PHC3: variants seen among roughly 807,000 people sequenced by gnomAD.
PHC3 encodes polyhomeotic-like protein 3.
Under a neutral mutation model 107.4 loss-of-function variants are expected in PHC3, and 13 were observed. The ratio of observed to expected loss-of-function variants is 0.12; its 90% CI spans 0.08 to 0.19. PHC3 has a LOEUF of 0.19. Among genes scored for constraint, PHC3 ranks in the 10% least tolerant of loss-of-function variants. The pLI, the probability that PHC3 is intolerant of heterozygous loss-of-function variation, is 1.00. For synonymous variants in PHC3, 456 were observed against 427.4 expected, an observed-to-expected ratio of 1.07 and a Z score of -0.83; for missense variants, 992 against 1,210.9, an observed-to-expected ratio of 0.82 and a Z score of 2.68.
intron 9 of PHC3, among the ~76,000 whole-genome samples, chr3:170,119,913 G>T (rs1461629393): frequency 6.6e-6 from 1 of 152,036 alleles, no homozygotes; most frequent in African/African-American, 2.4e-5. Flanking sequence ...ATTAGAGGAA[G>T]ATGCAAGTCT....
At chr3:170,148,842 C>T (rs541063960) in intron 5 of PHC3, 9 of 358,256 alleles carry the variant, frequency 2.5e-5, no homozygotes, top group Non-Finnish European at 3.6e-5. Flanking sequence ...ATCACTCTTA[C>T]GTTACTGAAT....
At chr3:170,128,194 AT>A (rs1179505055) in intron 8 of PHC3, 5 of 214,406 alleles carry the variant, frequency 2.3e-5, no homozygotes, top group African/African-American at 1.2e-4. Context: ...AAAAAACTAC[AT>A]CATATAAGCA....
chr3:170,102,843 T>C lies in PHC3; in HGVS notation c.2560A>G (p.Ser854Gly), dbSNP rs1356011086. The C allele has an allele frequency of 2.5e-6, 4 of 1,613,828 alleles. No individual in the cohort carries two copies. The highest frequency in any genetic ancestry group is 3.4e-6 in the Non-Finnish European group (4 of 1,179,862). Reference protein sequence around the residue: ...QSLGHRGRRPSGPDGAAREHI... With the variant: ...QSLGHRGRRPGGPDGAAREHI... The stretch of plus-strand genomic sequence containing the variant: ...TCTCTCGCTGCCCCATCAGGGCCAC[T>C]TGGACGACGGCCACGATGCCCAAGA... Residue 854 changes from serine to glycine, a missense_variant, in exon 13 of 15, where the codon AGT (serine) becomes GGT (glycine). Ser to Gly is a moderately conservative substitution (Grantham distance 56). Around this residue, in one of 6 missense-constraint regions of PHC3, gnomAD observed 228 missense variants for 288.8 expected, o/e 0.79. Coordinates refer to ENST00000495893, the MANE Select transcript of PHC3 (RefSeq NM_024947.4).
chr3:170,150,229 T>C (rs1725677828), intron 4 of PHC3, among the ~76,000 whole-genome samples: 1 of 152,112 alleles, frequency 6.6e-6, no homozygotes, highest in Non-Finnish European at 1.5e-5. Context: ...ACACAGATAA[T>C]GCATTCACAT....
chr3:170,120,877 C>G lies in PHC3; in HGVS notation c.1942+1714G>C, dbSNP rs183625983. ...TCTTAACTGAAAATGATCATGAGGGCAATAAGATATTCAACAGAACAGAAT... is the reference window on the plus strand; with the variant it reads ...TCTTAACTGAAAATGATCATGAGGGGAATAAGATATTCAACAGAACAGAAT... On this transcript the variant is annotated intron_variant, in intron 9 of 14. Transcript: ENST00000495893. 1.8e-3 allele frequency among the ~76,000 whole-genome samples: 268 copies of G among 152,072 alleles called. 1 individual carries two copies. The highest frequency in any genetic ancestry group is 3.3e-3 in the Non-Finnish European group (226 of 67,984).
chr3:170,173,019 C>G (rs539975721), intron 2 of PHC3, among the ~76,000 whole-genome samples: 1 of 151,810 alleles, frequency 6.6e-6, no homozygotes, highest in African/African-American at 2.4e-5. Flanking sequence ...GGTGAAACCC[C>G]GTCTCTACTA....
chr3:170,171,766 G>A (rs868484404), intron 3 of PHC3, among the ~76,000 whole-genome samples: 62 of 152,262 alleles, frequency 4.1e-4, no homozygotes, highest in African/African-American at 1.3e-3. Context: ...TAGAGCTACA[G>A]CAAGAGCCAG....
Position 170,171,389 on chromosome 3 carries a change from C to G in PHC3, c.398G>C (p.Ser133Thr), listed in dbSNP as rs1577264045. Residue 133 changes from serine to threonine, a missense_variant, in exon 4 of 15, where the codon AGT becomes ACT. Ser to Thr is a moderately conservative substitution (Grantham distance 58). This residue lies in a region of PHC3 where 161 missense variants were observed against 183.7 expected (regional missense o/e 0.88). Transcript: ENST00000495893. Reference protein sequence around the residue: ...SPTGSVTQQSSMSQTSINLST... With the variant: ...SPTGSVTQQSTMSQTSINLST... ...GGAACTTACAGACGTTTGGGACATA[C>G]TTGACTGCTGTGTGACACTTCCTGT... 1 of 1,606,016 alleles carries G rather than the reference C, an allele frequency of 6.2e-7. No homozygotes were observed. Among genetic ancestry groups the G allele is most frequent in the Non-Finnish European group, 8.5e-7 (1 of 1,176,934 alleles).
At chr3:170,174,200 T>A (rs1447940041) in intron 2 of PHC3, among the ~76,000 whole-genome samples, 1 of 151,148 alleles carries the variant, frequency 6.6e-6, no homozygotes, top group Non-Finnish European at 1.5e-5. Context: ...CTCAAAAAAA[T>A]AATAATAATA....
intron 4 of PHC3, among the ~76,000 whole-genome samples, chr3:170,163,327 T>C (rs1560118006): frequency 6.6e-6 from 1 of 152,128 alleles, no homozygotes; most frequent in Non-Finnish European, 1.5e-5. Context: ...CAGGGATTCA[T>C]GTAGTTATGG....
intron 7 of PHC3, among the ~76,000 whole-genome samples, chr3:170,129,951 A>G (rs1245771445): frequency 6.6e-6 from 1 of 152,192 alleles, no homozygotes; most frequent in Non-Finnish European, 1.5e-5. Context: ...CTCCCAACTC[A>G]GCCTCCCAAA....
intron 5 of PHC3, among the ~76,000 whole-genome samples, chr3:170,146,514 CT>C (rs1190196871): frequency 2.0e-5 from 3 of 149,168 alleles, no homozygotes; most frequent in Non-Finnish European, 4.4e-5. Context: ...TATCACTTTC[CT>C]TTTTTTTCCT....
At chr3:170,126,623 C>T (rs1721347800) in intron 8 of PHC3, among the ~76,000 whole-genome samples, 1 of 150,118 alleles carries the variant, frequency 6.7e-6, no homozygotes, top group Non-Finnish European at 1.5e-5. Flanking sequence ...CTCACTGCAA[C>T]CTCTGCCTCA....
At chr3:170,133,734 T>C (rs1388198078) in intron 7 of PHC3, among the ~76,000 whole-genome samples, 1 of 152,130 alleles carries the variant, frequency 6.6e-6, no homozygotes, top group African/African-American at 2.4e-5. Context: ...CCTCCATACT[T>C]ACACAAGATA....
At chr3:170,114,681 T>C (rs1175557472) in intron 10 of PHC3, among the ~76,000 whole-genome samples, 1 of 152,216 alleles carries the variant, frequency 6.6e-6, no homozygotes, top group Non-Finnish European at 1.5e-5. Flanking sequence ...TAGAAGTATT[T>C]TCAACAAAAA....
At chr3:170,129,785 C>T (rs1449146134) in intron 7 of PHC3, among the ~76,000 whole-genome samples, 5 of 152,136 alleles carry the variant, frequency 3.3e-5, no homozygotes, top group African/African-American at 1.2e-4. Flanking sequence ...CTGCAACCTC[C>T]ACCTCCCTGG....
chr3:170,152,877 G>C (rs538058034), intron 4 of PHC3, among the ~76,000 whole-genome samples: 3 of 151,628 alleles, frequency 2.0e-5, no homozygotes, highest in Admixed American at 2.0e-4. Context: ...GCCCAAGCTT[G>C]CCTCAAACTC....
chr3:170,113,198 GTC>G (rs1222458640), intron 11 of PHC3, among the ~76,000 whole-genome samples, 160 bp downstream of exon 11: 1 of 152,206 alleles, frequency 6.6e-6, no homozygotes, highest in African/African-American at 2.4e-5. Flanking sequence ...ACCATTGAGA[GTC>G]TGATTAGCTT....
rs1469051374 is a variant in PHC3, at chr3:170,093,778, T to C, written c.*3452A>G. 1 of 152,224 alleles carries C rather than the reference T, an allele frequency of 6.6e-6. No individual in the cohort carries two copies. The highest frequency in any genetic ancestry group is 1.5e-5 in the Non-Finnish European group (1 of 68,040). The allele number at this position is 152,224 out of a possible 1,614,324, so 9.4% of individuals were successfully genotyped here. The stretch of plus-strand genomic sequence containing the variant: ...TAATTTTATACTTGATACATGAAGA[T>C]AAGCTACGTCAAAAATTATTCAAAG... On this transcript the variant is annotated 3_prime_UTR_variant, in exon 15 of 15. Transcript: ENST00000495893.
Sources: gnomAD v4.1 joint callset for allele counts (sites outside exome capture counted in the v4.1 genomes callset) on GRCh38, gnomAD v4.1.1 for gene constraint, gnomAD v4.1.1 regional missense constraint, MANE v1.5 for transcripts, NCBI Gene and HGNC (gene_info 2026-07-23, HGNC 2026-07-21) for gene names.